PRDM16: variants seen among roughly 807,000 people sequenced by gnomAD.
PRDM16 encodes the protein histone-lysine N-methyltransferase PRDM16.
In PRDM16, 23 loss-of-function variants were observed where a neutral mutation model predicts 110.6. The ratio of observed to expected loss-of-function variants is 0.21; its 90% CI spans 0.15 to 0.29. The LOEUF is 0.29. PRDM16 is among the 10% of genes least tolerant of loss of function. The pLI, the probability that PRDM16 is intolerant of heterozygous loss-of-function variation, is 1.00. For missense variants in PRDM16, 1,615 were observed against 1,794.3 expected, an observed-to-expected ratio of 0.90 and a Z score of 1.81; for synonymous variants, 799 against 781.8, an observed-to-expected ratio of 1.02 and a Z score of -0.37.
At chr1:3,219,075 G>A (rs977803943) in intron 2 of PRDM16, among the ~76,000 whole-genome samples, 31 of 152,198 alleles carry the variant, frequency 2.0e-4, no homozygotes, top group African/African-American at 7.5e-4. Flanking sequence ...CCGCGAGGAG[G>A]GCCTTTAGGA....
intron 3 of PRDM16, among the ~76,000 whole-genome samples, chr1:3,349,880 G>T (rs892645470): frequency 6.6e-6 from 1 of 152,224 alleles, no homozygotes; most frequent in Non-Finnish European, 1.5e-5. Context: ...AAAGCCCGGG[G>T]CTGGGCTTGC....
At position 3,244,118 on chromosome 1, in the gene PRDM16, A is replaced by C. The variant is rs1639734374; in HGVS notation, c.419A>C (p.Gln140Pro). 6.2e-7 allele frequency: 1 copy of C among 1,613,826 alleles called. No homozygotes were observed. The highest frequency in any genetic ancestry group is 8.5e-7 in the Non-Finnish European group (1 of 1,180,028). Residue 140 changes from glutamine (Q) to proline (P), a missense_variant, in exon 3 of 17, where the codon CAG (glutamine) becomes CCG (proline). By Grantham distance (76) the Gln-to-Pro change is moderately conservative. Around this residue, in one of 5 missense-constraint regions of PRDM16, gnomAD observed 416 missense variants for 467.1 expected, o/e 0.89. Coordinates refer to ENST00000270722, the MANE Select transcript of PRDM16 (RefSeq NM_022114.4). This position sits in a 1 kb window ranked among gnomAD's most constrained non-coding sequence, Gnocchi z 4.1. Reference protein sequence around the residue: ...QILTDVEVSPQEGCITKISED... With the variant: ...QILTDVEVSPPEGCITKISED... ...CTGACGGACGTGGAAGTGTCGCCCC[A>C]GGAAGGCTGCATCACAAAGGTAGGA...
chr1:3,173,292 C>T (rs931505283), intron 1 of PRDM16, among the ~76,000 whole-genome samples: 15 of 152,194 alleles, frequency 9.9e-5, no homozygotes, highest in East Asian at 5.8e-4. Flanking sequence ...GCTTTTTACC[C>T]GGAACAAGGC....
Position 3,316,715 on chromosome 1 carries a change from C to A in PRDM16, c.439-68437C>A, listed in dbSNP as rs200632006. On this transcript the variant is annotated intron_variant, in intron 3 of 16. Coordinates refer to ENST00000270722, the MANE Select transcript of PRDM16 (RefSeq NM_022114.4). ...GACAGGAAACAGTGACATAGTGGAG[C>A]CAGGAAACAGTGACACGGTGTAGGC... Among the ~76,000 whole-genome samples the A allele has an allele frequency of 9.8e-5, 14 of 142,700 alleles. No homozygotes were observed. The East Asian group carries it at 1.9e-3, about 19-fold the overall frequency. 93.6% of individuals were successfully genotyped at this position (142,700 alleles called of 152,430 possible). A position where few individuals can be genotyped will look rare whatever the true frequency, so the allele number is the denominator to read the frequency against.
At chr1:3,225,700 G>A (rs563050891) in intron 2 of PRDM16, among the ~76,000 whole-genome samples, 1 of 152,186 alleles carries the variant, frequency 6.6e-6, no homozygotes, top group Non-Finnish European at 1.5e-5. Context: ...CCTACTTGAA[G>A]GAGTTGAAAT....
intron 1 of PRDM16, among the ~76,000 whole-genome samples, chr1:3,147,182 G>C (rs370056491): frequency 2.0e-5 from 3 of 151,298 alleles, no homozygotes; most frequent in African/African-American, 7.3e-5. Context: ...GTGTGTGCTC[G>C]GTGTGGGTGT....
chr1:3,243,987 A>G lies in PRDM16; in HGVS notation c.388-100A>G. ...AGAAGCCACTGGGTCCCACCCTGTG[A>G]CTTTTGGGGACAGTGGTTCTGCCCC... On this transcript the variant is annotated intron_variant, in intron 2 of 16. Coordinates refer to ENST00000270722, the MANE Select transcript of PRDM16 (RefSeq NM_022114.4). This position sits in a 1 kb window ranked among gnomAD's most constrained non-coding sequence, Gnocchi z 5.5. 1 of 1,208,382 alleles carries G rather than the reference A, an allele frequency of 8.3e-7. No individual in the cohort carries two copies. The highest frequency in any genetic ancestry group is 1.2e-5 in the South Asian group (1 of 81,154). The allele number at this position is 1,208,382 out of a possible 1,614,324, so 74.9% of individuals were successfully genotyped here. A position where few individuals can be genotyped will look rare whatever the true frequency, so the allele number is the denominator to read the frequency against.
intron 1 of PRDM16, among the ~76,000 whole-genome samples, chr1:3,152,368 CCATCCATCCATCCATT>C: frequency 6.7e-6 from 1 of 149,080 alleles, no homozygotes; most frequent in Admixed American, 6.6e-5. Flanking sequence ...ATCCATCCAT[CCATCCATCCATCCATT>C]TATCCATCCA....
At chr1:3,239,102 A>G (rs2100902980) in intron 2 of PRDM16, among the ~76,000 whole-genome samples, 1 of 152,352 alleles carries the variant, frequency 6.6e-6, no homozygotes, top group South Asian at 2.1e-4. Context: ...CACCAGGGAA[A>G]TTGGCAGCAC....
chr1:3,326,891 A>G (rs1275283088), intron 3 of PRDM16, among the ~76,000 whole-genome samples: 1 of 152,162 alleles, frequency 6.6e-6, no homozygotes, highest in Non-Finnish European at 1.5e-5. Flanking sequence ...ACTAGGCACA[A>G]TGTCTCCTCT....
At chr1:3,294,623 G>A (rs548074812) in intron 3 of PRDM16, among the ~76,000 whole-genome samples, 6 of 152,144 alleles carry the variant, frequency 3.9e-5, no homozygotes, top group East Asian at 1.9e-4. Flanking sequence ...ACAGGATCCC[G>A]ACGGATCCCG....
intron 2 of PRDM16, among the ~76,000 whole-genome samples, chr1:3,193,100 G>C (rs1275319450): frequency 6.6e-6 from 1 of 151,398 alleles, no homozygotes; most frequent in Non-Finnish European, 1.5e-5. Flanking sequence ...GCGGCCAGAC[G>C]GCGAGTACCC....
At chr1:3,220,576 TCTC>T (rs764545140) in intron 2 of PRDM16, among the ~76,000 whole-genome samples, 16 of 152,304 alleles carry the variant, frequency 1.1e-4, no homozygotes, top group Middle Eastern at 6.8e-3. Flanking sequence ...CTGCTGTGGT[TCTC>T]CTTGGCCTGA....
chr1:3,120,523 G>A (rs549389077), intron 1 of PRDM16, among the ~76,000 whole-genome samples: 1 of 152,330 alleles, frequency 6.6e-6, no homozygotes, highest in East Asian at 1.9e-4. Flanking sequence ...ACCCCAGAGT[G>A]TCTGCCACCA....
intron 1 of PRDM16, among the ~76,000 whole-genome samples, chr1:3,127,300 G>T (rs1256020007): frequency 6.6e-6 from 1 of 152,222 alleles, no homozygotes; most frequent in African/African-American, 2.4e-5. Context: ...CGGTGCGCAG[G>T]CTTTGCCAAA....
At chr1:3,099,635 C>T (rs993865947) in intron 1 of PRDM16, among the ~76,000 whole-genome samples, 1 of 152,180 alleles carries the variant, frequency 6.6e-6, no homozygotes, top group African/African-American at 2.4e-5. Context: ...CCTGCCAGCA[C>T]GTGCCGAGTG....
chr1:3,194,998 G>A (rs1019197749), intron 2 of PRDM16, among the ~76,000 whole-genome samples: 5 of 152,208 alleles, frequency 3.3e-5, no homozygotes, highest in African/African-American at 1.2e-4. Flanking sequence ...GCTTCTGGAT[G>A]TTTCTATGGA....
At chr1:3,123,790 G>A (rs1016107087) in intron 1 of PRDM16, among the ~76,000 whole-genome samples, 1 of 152,256 alleles carries the variant, frequency 6.6e-6, no homozygotes, top group South Asian at 2.1e-4. Flanking sequence ...CCCCAGTGGC[G>A]AGACATCAAG....
Position 3,382,554 on chromosome 1 carries a change from C to A in PRDM16, c.439-2598C>A, listed in dbSNP as rs1027842037. Among the ~76,000 whole-genome samples, 14 of 152,312 alleles carry A rather than the reference C, an allele frequency of 9.2e-5. No individual in the cohort carries two copies. Among genetic ancestry groups the A allele is most frequent in the Admixed American group, 8.5e-4 (13 of 15,310 alleles). On this transcript the variant is annotated intron_variant, in intron 3 of 16. Coordinates refer to ENST00000270722, the MANE Select transcript of PRDM16 (RefSeq NM_022114.4). This position sits in a 1 kb window ranked among gnomAD's most constrained non-coding sequence, Gnocchi z 6.6. Reference sequence around the variant, plus strand: ...GGTGGCCACAGACTCCCCACCAAAGCGAGGCTTGAGCCAGCCGGGGCCCAG... The same window carrying A: ...GGTGGCCACAGACTCCCCACCAAAGAGAGGCTTGAGCCAGCCGGGGCCCAG...
Sources: gnomAD v4.1 joint callset for allele counts (sites outside exome capture counted in the v4.1 genomes callset) on GRCh38, gnomAD v4.1.1 for gene constraint, gnomAD v4.1.1 regional missense constraint, Gnocchi (gnomAD v3.1) non-coding constraint, MANE v1.5 for transcripts, NCBI Gene and HGNC (gene_info 2026-07-23, HGNC 2026-07-21) for gene names.